The following SHC4 variants were observed in gnomAD, a reference collection of about 807,000 sequenced individuals.
The protein encoded by SHC4 is SHC adaptor protein 4.
SHC4 carries 41 observed loss-of-function variants against 69.4 expected under a neutral mutation model. The observed-to-expected ratio is 0.59, with a 90% CI of 0.46 to 0.77. The LOEUF is 0.77. Ranked by LOEUF, SHC4 falls within the 30% of genes least tolerant of loss-of-function variation. The probability of loss-of-function intolerance (pLI) is 0.00; values close to 1 mark genes in which losing one functional copy is unlikely to be tolerated. For missense variants in SHC4, 777 were observed against 783.8 expected, an observed-to-expected ratio of 0.99 and a Z score of 0.10; for synonymous variants, 318 against 299.3, an observed-to-expected ratio of 1.06 and a Z score of -0.64.
intron 1 of SHC4, among the ~76,000 whole-genome samples, chr15:48,948,291 G>A (rs1225482590): frequency 6.6e-6 from 1 of 152,218 alleles, no homozygotes; most frequent in African/African-American, 2.4e-5. Flanking sequence ...TGTAAAATGG[G>A]CTCATTGATT....
At chr15:48,856,153 G>A in intron 7 of SHC4, 29 bp from the exon 8 acceptor site, 1 of 1,595,112 alleles carries the variant, frequency 6.3e-7, no homozygotes. Flanking sequence ...TCCTCAAGAG[G>A]CTGGGCGAAA....
chr15:48,870,543 G>GT (rs1899649667), intron 5 of SHC4, among the ~76,000 whole-genome samples: 1 of 152,172 alleles, frequency 6.6e-6, no homozygotes, highest in Admixed American at 6.5e-5. Flanking sequence ...AAAGCTTAAA[G>GT]GGGAAACTGG....
At chr15:48,914,006 T>C (rs1397121457) in intron 2 of SHC4, among the ~76,000 whole-genome samples, 1 of 152,186 alleles carries the variant, frequency 6.6e-6, no homozygotes. Flanking sequence ...CTGTGGGTCC[T>C]CTCGGGATTG....
At chr15:48,868,081 G>T (rs1002431624) in intron 5 of SHC4, among the ~76,000 whole-genome samples, 1 of 152,164 alleles carries the variant, frequency 6.6e-6, no homozygotes, top group Non-Finnish European at 1.5e-5. Flanking sequence ...CTTGGGGAAA[G>T]AATTGGAAAA....
intron 1 of SHC4, among the ~76,000 whole-genome samples, chr15:48,939,120 T>C (rs1336600161): frequency 6.6e-6 from 1 of 152,016 alleles, no homozygotes; most frequent in Non-Finnish European, 1.5e-5. Flanking sequence ...ACTATACTGC[T>C]GTTCCTGATT....
At chr15:48,961,280 A>G (rs11636875) in intron 1 of SHC4, among the ~76,000 whole-genome samples, 53,636 of 152,114 alleles carry the variant, frequency 0.35, 9,801 homozygotes, top group Non-Finnish European at 0.38. Context: ...CTCATTTATC[A>G]ATCACAGTAT....
At position 48,938,035 on chromosome 15, in the gene SHC4, G is replaced by A. The variant is rs573676216; in HGVS notation, c.586-13086C>T. 2.0e-5 allele frequency among the ~76,000 whole-genome samples: 3 copies of A among 152,312 alleles called. No individual in the cohort carries two copies. In the East Asian group the frequency reaches 5.8e-4, roughly 29 times the overall value. On this transcript the variant is annotated intron_variant, in intron 1 of 11. Coordinates refer to ENST00000332408, the MANE Select transcript of SHC4 (RefSeq NM_203349.4). ...TTGGCACTGTAGCCAAGCCTCCTAA[G>A]AGACTTTTAAGATCTTTATCACCAT...
At chr15:48,902,914 C>A (rs16961819) in intron 2 of SHC4, among the ~76,000 whole-genome samples, 1 of 152,166 alleles carries the variant, frequency 6.6e-6, no homozygotes, top group Non-Finnish European at 1.5e-5. Flanking sequence ...CAGCCTGAGA[C>A]GTGCTAACAA....
intron 4 of SHC4, among the ~76,000 whole-genome samples, chr15:48,873,626 C>A (rs1304962920): frequency 1.3e-5 from 2 of 151,918 alleles, no homozygotes; most frequent in African/African-American, 2.4e-5. Context: ...CTGTAGTCCC[C>A]GCTACTCAGG....
chr15:48,901,171 G>A (rs1900312815), intron 2 of SHC4, among the ~76,000 whole-genome samples: 1 of 152,166 alleles, frequency 6.6e-6, no homozygotes, highest in Non-Finnish European at 1.5e-5. Flanking sequence ...TGGCTGACAA[G>A]GTGGCAAAAT....
chr15:48,866,296 C>A (rs1367435633), intron 6 of SHC4, among the ~76,000 whole-genome samples: 2 of 152,194 alleles, frequency 1.3e-5, no homozygotes, highest in East Asian at 3.8e-4. Flanking sequence ...ACTCTTTGAC[C>A]ATGATTCATT....
At chr15:48,892,790 G>C (rs1595747787) in intron 2 of SHC4, among the ~76,000 whole-genome samples, 1 of 149,978 alleles carries the variant, frequency 6.7e-6, no homozygotes, top group Non-Finnish European at 1.5e-5. Flanking sequence ...TTGAAGCCGA[G>C]AGGCAGAGGT....
chr15:48,924,920 T>C lies in SHC4; in HGVS notation c.615A>G (p.Ser205=). 6.2e-7 allele frequency: 1 copy of C among 1,614,098 alleles called. No individual in the cohort carries two copies. The highest frequency in any genetic ancestry group is 8.5e-7 in the Non-Finnish European group (1 of 1,180,010). The part of the protein sequence containing the change: ...RYMGCVEVLQ[S]MRSLDFGMRT... ...TCATTCCAAAATCCAGTGATCTCATTGATTGCAGCACTTCAACACAGCCCA... is the reference window on the plus strand; with the variant it reads ...TCATTCCAAAATCCAGTGATCTCATCGATTGCAGCACTTCAACACAGCCCA... Residue 205 remains serine (S), a synonymous_variant, in exon 2 of 12, where the codon TCA becomes TCG. Transcript: ENST00000332408.
intron 1 of SHC4, among the ~76,000 whole-genome samples, chr15:48,943,670 C>A (rs117044264): frequency 0.021 from 3,170 of 152,124 alleles, 214 homozygotes; most frequent in South Asian, 0.2. Flanking sequence ...TTTTGAAGAA[C>A]CTCCATATTG....
At chr15:48,957,942 A>G (rs777417432) in intron 1 of SHC4, among the ~76,000 whole-genome samples, 3 of 152,250 alleles carry the variant, frequency 2.0e-5, no homozygotes, top group African/African-American at 4.8e-5. Context: ...AGCACCAAGA[A>G]TTGCAGGCAA....
At chr15:48,952,641 G>A (rs1031981684) in intron 1 of SHC4, among the ~76,000 whole-genome samples, 8 of 152,190 alleles carry the variant, frequency 5.3e-5, no homozygotes, top group African/African-American at 1.9e-4. Flanking sequence ...CTTCTCGAAA[G>A]AAGACATCCA....
intron 2 of SHC4, among the ~76,000 whole-genome samples, chr15:48,905,121 A>C (rs981111015): frequency 6.6e-6 from 1 of 152,250 alleles, no homozygotes; most frequent in Admixed American, 6.5e-5. Context: ...TTCTCTAACC[A>C]GCAGTGACCA....
intron 2 of SHC4, among the ~76,000 whole-genome samples, chr15:48,906,036 TAGA>T (rs1900400194): frequency 6.6e-6 from 1 of 152,188 alleles, no homozygotes; most frequent in African/African-American, 2.4e-5. Context: ...AAATGAAATA[TAGA>T]AACTGCCAAC....
At chr15:48,847,376 C>T (rs1899113136) in intron 9 of SHC4, among the ~76,000 whole-genome samples, 1 of 152,108 alleles carries the variant, frequency 6.6e-6, no homozygotes, top group Non-Finnish European at 1.5e-5. Flanking sequence ...GTCAGGGAAA[C>T]ATTATTCTAT....
Sources: gnomAD v4.1 joint callset for allele counts (sites outside exome capture counted in the v4.1 genomes callset) on GRCh38, gnomAD v4.1.1 for gene constraint, MANE v1.5 for transcripts, NCBI Gene and HGNC (gene_info 2026-07-23, HGNC 2026-07-21) for gene names.